PDK1: variants seen among roughly 807,000 people sequenced by gnomAD.
PDK1 encodes the protein [Pyruvate dehydrogenase (acetyl-transferring)] kinase isozyme 1, mitochondrial.
A neutral mutation model predicts 54.2 loss-of-function variants in PDK1; 39 were observed. The observed-to-expected ratio is 0.72, with a 90% CI of 0.56 to 0.94. The LOEUF (loss-of-function observed/expected upper bound fraction) is 0.94, where lower values mean the gene tolerates loss of function less well. Among genes scored for constraint, PDK1 ranks in the 40% least tolerant of loss-of-function variants. The pLI, the probability that PDK1 is intolerant of heterozygous loss-of-function variation, is 0.00. For missense variants in PDK1, 552 were observed against 566.0 expected (o/e 0.98, Z 0.25); for synonymous variants, 221 against 207.1 (o/e 1.07, Z -0.58).
At chr2:172,632,229 T>G in the PDK1 span, among the ~76,000 whole-genome samples, 1 of 151,610 alleles carries the variant, frequency 6.6e-6, no homozygotes, top group Non-Finnish European at 1.5e-5. Context: ...ATTGCATCAT[T>G]GCACTCCACT....
intron 1 of PDK1, 108 bp downstream of exon 1, chr2:172,556,454 C>G: frequency 1.4e-6 from 1 of 738,236 alleles, no homozygotes; most frequent in Non-Finnish European, 1.9e-6. Flanking sequence ...TGAGGCGCAC[C>G]CCTCCTCCTC....
rs1479780428 is a variant in PDK1, at chr2:172,606,391, C to T, written c.*10422C>T. ...TACCATTTTTGTGGAAGCCCACAAC[C>T]TTTTGAATGGCCTTTCTATACTTTA... On this transcript the variant is annotated 3_prime_UTR_variant, in exon 11 of 11. Coordinates refer to ENST00000282077, the MANE Select transcript of PDK1 (RefSeq NM_002610.5). 6.6e-6 allele frequency: 1 copy of T among 152,194 alleles called. No individual in the cohort carries two copies. Among genetic ancestry groups the T allele is most frequent in the Non-Finnish European group, 1.5e-5 (1 of 68,036 alleles). The allele number at this position is 152,194 out of a possible 1,614,324, so 9.4% of individuals were successfully genotyped here.
At chr2:172,623,823 C>T in the PDK1 span, among the ~76,000 whole-genome samples, 1 of 152,170 alleles carries the variant, frequency 6.6e-6, no homozygotes, top group Non-Finnish European at 1.5e-5. Flanking sequence ...AGTCATCATA[C>T]TTCATAGGAT....
At chr2:172,678,347 C>T in the PDK1 span, among the ~76,000 whole-genome samples, 1 of 151,656 alleles carries the variant, frequency 6.6e-6, no homozygotes, top group Non-Finnish European at 1.5e-5. Flanking sequence ...ACCCAAATTA[C>T]AGGCATATTA....
chr2:172,581,990 A>G (rs956442258), intron 8 of PDK1, among the ~76,000 whole-genome samples: 1 of 151,968 alleles, frequency 6.6e-6, no homozygotes, highest in African/African-American at 2.4e-5. Context: ...TCAGCTCACC[A>G]TGACCTCTCT....
chr2:172,637,408 G>T, the PDK1 span, among the ~76,000 whole-genome samples: 4 of 151,850 alleles, frequency 2.6e-5, no homozygotes, highest in African/African-American at 9.7e-5. Context: ...AACAGCCTCA[G>T]TTGGCCCCGT....
At chr2:172,621,479 C>A in the PDK1 span, among the ~76,000 whole-genome samples, 19 of 151,098 alleles carry the variant, frequency 1.3e-4, no homozygotes, top group Admixed American at 6.6e-4. Flanking sequence ...TTGCAGATGG[C>A]CTGTTGTGGG....
the PDK1 span, among the ~76,000 whole-genome samples, chr2:172,672,122 G>C: frequency 8.5e-5 from 13 of 152,288 alleles, no homozygotes. Context: ...TTGTAGGTCT[G>C]CAGAGAGGAA....
chr2:172,621,596 G>GTTTGTATATC, the PDK1 span, among the ~76,000 whole-genome samples: 10 of 139,550 alleles, frequency 7.2e-5, no homozygotes, highest in African/African-American at 2.4e-4. Flanking sequence ...GTTTATATAT[G>GTTTGTATATC]ATATATGTTT....
At chr2:172,592,914 T>G in intron 9 of PDK1, 21 bp from the exon 10 acceptor site, 1 of 1,329,382 alleles carries the variant, frequency 7.5e-7, no homozygotes, top group South Asian at 1.2e-5. Context: ...TGAATAGAAT[T>G]TTGTTTTTCT....
the PDK1 span, among the ~76,000 whole-genome samples, chr2:172,695,784 A>T: frequency 6.6e-6 from 1 of 152,200 alleles, no homozygotes; most frequent in East Asian, 1.9e-4. Context: ...GGAACTGCAG[A>T]TAGCCTGGTT....
rs573152796 is a variant in PDK1 at position 172,607,078 on chromosome 2, T to G, written c.*11109T>G. 2 of 152,356 alleles carry G rather than the reference T, an allele frequency of 1.3e-5. No homozygotes were observed. The highest frequency in any genetic ancestry group is 4.8e-5 in the African/African-American group (2 of 41,590). 9.4% of individuals were successfully genotyped at this position (152,356 alleles called of 1,614,324 possible). ...GGCATATTGTCTTCAAAGGAATGTT[T>G]TAAACCAGCCAAAGACTAACATCAA... On this transcript the variant is annotated 3_prime_UTR_variant, in exon 11 of 11. Transcript: ENST00000282077.
chr2:172,667,208 G>A, the PDK1 span, among the ~76,000 whole-genome samples: 1 of 152,150 alleles, frequency 6.6e-6, no homozygotes, highest in Non-Finnish European at 1.5e-5. Flanking sequence ...AGGACCTCTA[G>A]GGAAGTAGGA....
At chr2:172,631,347 T>G in the PDK1 span, among the ~76,000 whole-genome samples, 3 of 152,270 alleles carry the variant, frequency 2.0e-5, no homozygotes, top group Non-Finnish European at 2.9e-5. Context: ...AGTCCTCTCT[T>G]AAAGCAGATT....
In PDK1 at chr2:172,605,669, T is replaced by G. The variant is rs1691268022; in HGVS notation, c.*9700T>G. 1 of 152,230 alleles carries G rather than the reference T, an allele frequency of 6.6e-6. No homozygotes were observed. The highest frequency in any genetic ancestry group is 2.4e-5 in the African/African-American group (1 of 41,444). The allele number at this position is 152,230 out of a possible 1,614,324, so 9.4% of individuals were successfully genotyped here. On this transcript the variant is annotated 3_prime_UTR_variant, in exon 11 of 11. Coordinates refer to ENST00000282077, the MANE Select transcript of PDK1 (RefSeq NM_002610.5). Reference sequence around the variant, plus strand: ...GGATAGCAGGCATGAACCACCGTGCTCAGCCTCTCTGTAAATCTTGAGTCG... The same window carrying G: ...GGATAGCAGGCATGAACCACCGTGCGCAGCCTCTCTGTAAATCTTGAGTCG...
chr2:172,632,056 G>A, the PDK1 span, among the ~76,000 whole-genome samples: 5 of 152,000 alleles, frequency 3.3e-5, no homozygotes, highest in East Asian at 3.9e-4. Flanking sequence ...CAGGTGGATC[G>A]TCTGGGGTAA....
At chr2:172,646,457 A>G in the PDK1 span, among the ~76,000 whole-genome samples, 2 of 152,076 alleles carry the variant, frequency 1.3e-5, no homozygotes, top group Non-Finnish European at 2.9e-5. Flanking sequence ...ATACTCAAGA[A>G]AAGGAGAATG....
Position 172,569,268 on chromosome 2 carries a change from C to T in PDK1, c.846+451C>T, listed in dbSNP as rs115805665. On this transcript the variant is annotated intron_variant, in intron 7 of 10. Coordinates refer to ENST00000282077, the MANE Select transcript of PDK1 (RefSeq NM_002610.5). ...GAAGAGTGATTCTCAACTTGCTACC[C>T]TCAAAGGACCAGAATTCTTTTTTTG... Among the ~76,000 whole-genome samples the T allele has an allele frequency of 4.5e-3, 690 of 152,278 alleles. 4 individuals are homozygous for T. The highest frequency in any genetic ancestry group is 0.015 in the African/African-American group (631 of 41,562).
At chr2:172,623,425 C>T in the PDK1 span, among the ~76,000 whole-genome samples, 1 of 151,928 alleles carries the variant, frequency 6.6e-6, no homozygotes, top group African/African-American at 2.4e-5. Flanking sequence ...TGTTTTTTAC[C>T]AAAATGTTTT....
Sources: allele counts gnomAD v4.1 joint callset (sites outside exome capture counted in the v4.1 genomes callset), GRCh38; gene constraint gnomAD v4.1.1; transcripts MANE v1.5; gene names NCBI Gene and HGNC (gene_info 2026-07-23, HGNC 2026-07-21).